PDZD9: variants seen among roughly 807,000 people sequenced by gnomAD.
PDZD9 encodes the protein PDZ domain-containing protein 9.
A neutral mutation model predicts 16.3 loss-of-function variants in PDZD9; 13 were observed. That is an observed-to-expected ratio of 0.80 (90% CI 0.52 to 1.27). The LOEUF is 1.27. PDZD9 is among the 50% of genes most tolerant of loss of function. The probability of loss-of-function intolerance (pLI) is 0.00; values close to 1 mark genes in which losing one functional copy is unlikely to be tolerated. For synonymous variants in PDZD9, 120 were observed against 111.0 expected (o/e 1.08, Z -0.51); for missense variants, 288 against 310.9 (o/e 0.93, Z 0.55).
chr16:21,994,490 GAC>G (rs1337921512), intron 2 of PDZD9, among the ~76,000 whole-genome samples: 1 of 152,228 alleles, frequency 6.6e-6, no homozygotes, highest in Non-Finnish European at 1.5e-5. Flanking sequence ...TTCACCCAAA[GAC>G]ACGAGGAGCA....
At chr16:21,987,411 A>G (rs1034388505) in intron 3 of PDZD9, among the ~76,000 whole-genome samples, 3 of 151,924 alleles carry the variant, frequency 2.0e-5, no homozygotes, top group Admixed American at 1.3e-4. Flanking sequence ...CAAGAGCAAA[A>G]CCTCGTCTCC....
At chr16:21,990,189 A>G (rs542880392) in intron 2 of PDZD9, among the ~76,000 whole-genome samples, 1 of 152,312 alleles carries the variant, frequency 6.6e-6, no homozygotes, top group African/African-American at 2.4e-5. Context: ...GACTTCAGAA[A>G]GGAATACAAA....
the PDZD9 span, chr16:21,958,683 T>C: frequency 3.3e-6 from 4 of 1,217,228 alleles, no homozygotes; most frequent in Admixed American, 2.1e-5. Context: ...ATCAAGGAGG[T>C]TGAGGATTTC....
At chr16:21,991,236 T>A (rs1449443841) in intron 2 of PDZD9, among the ~76,000 whole-genome samples, 5 of 136,220 alleles carry the variant, frequency 3.7e-5, no homozygotes, top group Non-Finnish European at 8.3e-5. Flanking sequence ...CATTAATTTC[T>A]TTTTTTTTTT....
chr16:21,979,286 A>G (rs1188133119), downstream of PDZD9, among the ~76,000 whole-genome samples: 1 of 152,214 alleles, frequency 6.6e-6, no homozygotes, highest in African/African-American at 2.4e-5. Context: ...CCAACTTGCC[A>G]TGGATCAATT....
intron 3 of PDZD9, among the ~76,000 whole-genome samples, chr16:21,988,384 C>T (rs371306484): frequency 3.3e-5 from 5 of 152,170 alleles, no homozygotes; most frequent in South Asian, 2.1e-4. Context: ...AATTCCCAAC[C>T]GATGACTTGT....
At chr16:21,968,000 C>CTTTT in the PDZD9 span, among the ~76,000 whole-genome samples, 5 of 137,132 alleles carry the variant, frequency 3.6e-5, no homozygotes, top group Non-Finnish European at 6.4e-5. Flanking sequence ...CTTTTTATTC[C>CTTTT]TTTTTTTTTT....
the PDZD9 span, among the ~76,000 whole-genome samples, chr16:21,978,569 C>A: frequency 3.9e-5 from 6 of 152,178 alleles, no homozygotes; most frequent in Non-Finnish European, 7.3e-5. Flanking sequence ...CAGCAAGAGG[C>A]AGGAGTTGCT....
chr16:21,965,314 C>T, the PDZD9 span: 1 of 1,223,544 alleles, frequency 8.2e-7, no homozygotes, highest in African/African-American at 1.5e-5. Context: ...CAGAAGATGA[C>T]CAAATTTGTA....
the PDZD9 span, chr16:21,961,402 TC>T: frequency 2.6e-6 from 1 of 377,748 alleles, no homozygotes; most frequent in South Asian, 1.9e-5. Context: ...GATCCATACG[TC>T]AACATAGCAC....
chr16:21,960,406 C>T, the PDZD9 span, among the ~76,000 whole-genome samples: 2 of 152,206 alleles, frequency 1.3e-5, no homozygotes, highest in African/African-American at 2.4e-5. Flanking sequence ...AGAGTTAGGG[C>T]ATTGCTCTGG....
the PDZD9 span, chr16:21,965,424 G>A: frequency 6.2e-7 from 1 of 1,613,734 alleles, no homozygotes. Flanking sequence ...TTGAAAATTT[G>A]CATGCAGCAG....
At chr16:21,959,733 T>C in the PDZD9 span, 1 of 152,260 alleles carries the variant, frequency 6.6e-6, no homozygotes. Context: ...CCTTACAAAA[T>C]GTATTTCTTA....
intron 1 of PDZD9, among the ~76,000 whole-genome samples, chr16:22,000,644 G>A (rs891735235): frequency 3.9e-5 from 6 of 152,062 alleles, no homozygotes; most frequent in Non-Finnish European, 8.8e-5. Flanking sequence ...GGCCAACATG[G>A]TGAAATCCCA....
At chr16:21,985,871 T>C (rs1271071286) in intron 3 of PDZD9, among the ~76,000 whole-genome samples, 2 of 152,234 alleles carry the variant, frequency 1.3e-5, no homozygotes, top group Non-Finnish European at 2.9e-5. Context: ...GCCACTAGTC[T>C]TAAATACTGA....
At chr16:21,974,341 G>A in the PDZD9 span, among the ~76,000 whole-genome samples, 5 of 152,218 alleles carry the variant, frequency 3.3e-5, no homozygotes, top group African/African-American at 1.2e-4. Flanking sequence ...ATGATTGTAG[G>A]AAAAGAAAAC....
the PDZD9 span, among the ~76,000 whole-genome samples, chr16:21,978,467 G>A: frequency 6.6e-6 from 1 of 152,200 alleles, no homozygotes; most frequent in East Asian, 1.9e-4. Context: ...GGATGCTTTT[G>A]TGCCCATATT....
At chr16:21,974,098 T>C in the PDZD9 span, 1,139 of 797,582 alleles carry the variant, frequency 1.4e-3, 4 homozygotes, top group South Asian at 9.3e-3. Flanking sequence ...CAGAGCTCTG[T>C]ATAGTATGAT....
chr16:21,959,651 T>C, the PDZD9 span: 2 of 152,266 alleles, frequency 1.3e-5, no homozygotes, highest in Non-Finnish European at 2.9e-5. Context: ...GAATGGTGAA[T>C]TCTTTCCAGA....
Sources: gnomAD v4.1 joint callset for allele counts (sites outside exome capture counted in the v4.1 genomes callset) on GRCh38, gnomAD v4.1.1 for gene constraint, MANE v1.5 for transcripts, NCBI Gene and HGNC (gene_info 2026-07-23, HGNC 2026-07-21) for gene names.